Variants in PRKN observed in about 807,000 individuals in gnomAD.
PRKN encodes the protein E3 ubiquitin-protein ligase parkin.
Under a neutral mutation model 59.5 loss-of-function variants are expected in PRKN, and 56 were observed. The observed-to-expected ratio is 0.94, with a 90% CI of 0.76 to 1.18. The LOEUF is 1.18. Ranked by LOEUF, PRKN falls within the 50% of genes most tolerant of loss-of-function variation. The probability of loss-of-function intolerance (pLI) is 0.00; values close to 1 mark genes in which losing one functional copy is unlikely to be tolerated. For synonymous variants in PRKN, 250 were observed against 222.1 expected (o/e 1.13, Z -1.12); for missense variants, 657 against 596.4 (o/e 1.10, Z -1.06).
intron 1 of PRKN, among the ~76,000 whole-genome samples, chr6:162,565,424 G>A (rs1243525915): frequency 6.6e-6 from 1 of 152,108 alleles, no homozygotes; most frequent in Admixed American, 6.6e-5. Flanking sequence ...GGCTCAATGT[G>A]TATAATCCCG....
intron 9 of PRKN, among the ~76,000 whole-genome samples, chr6:161,452,198 A>G (rs201472638): frequency 6.6e-6 from 1 of 150,448 alleles, no homozygotes; most frequent in Non-Finnish European, 1.5e-5. Flanking sequence ...AAGTGATCCC[A>G]CCTCGGCCTC....
At position 161,518,514 on chromosome 6, in the gene PRKN, G is replaced by A. The variant is rs1418217260; in HGVS notation, c.1083+30340C>T. On this transcript the variant is annotated intron_variant, in intron 9 of 11. Coordinates refer to ENST00000366898, the MANE Select transcript of PRKN (RefSeq NM_004562.3). The surrounding 1 kb of genome is among the most constrained non-coding windows in gnomAD (Gnocchi z 5.0). ...GCTGCCCCTGGCTGTGCAATCCCAG[G>A]GCTCTGGGTGAGAGCTGAACCGAGG... Among the ~76,000 whole-genome samples, 1 of 152,140 alleles carries A rather than the reference G, an allele frequency of 6.6e-6. No homozygotes were observed. Among genetic ancestry groups the A allele is most frequent in the Non-Finnish European group, 1.5e-5 (1 of 68,020 alleles).
At chr6:161,721,534 A>G (rs1430975799) in intron 7 of PRKN, among the ~76,000 whole-genome samples, 1 of 152,248 alleles carries the variant, frequency 6.6e-6, no homozygotes, top group Non-Finnish European at 1.5e-5. Flanking sequence ...TTGATAAAAT[A>G]ATAAAAAGTA....
chr6:162,442,474 G>A (rs941732305), intron 2 of PRKN, among the ~76,000 whole-genome samples: 4 of 152,120 alleles, frequency 2.6e-5, no homozygotes, highest in African/African-American at 7.2e-5. Context: ...TTGTATTTGC[G>A]AGTTTCCCCA....
chr6:161,509,619 C>A (rs931442079), intron 9 of PRKN, among the ~76,000 whole-genome samples: 13 of 110,046 alleles, frequency 1.2e-4, no homozygotes, highest in African/African-American at 4.3e-4. Flanking sequence ...GTGGCTTACA[C>A]CTGTAATCTC....
chr6:162,708,868 CA>C (rs1778427606), intron 1 of PRKN, among the ~76,000 whole-genome samples: 3 of 152,126 alleles, frequency 2.0e-5, no homozygotes, highest in African/African-American at 7.2e-5. Context: ...CTGGGCCACA[CA>C]GCAGGAGGTG....
At chr6:162,042,946 A>G (rs557113147) in intron 5 of PRKN, among the ~76,000 whole-genome samples, 33 of 152,212 alleles carry the variant, frequency 2.2e-4, no homozygotes, top group African/African-American at 8.0e-4. Context: ...GTCCATTTGC[A>G]TGCTGCTGAA....
intron 1 of PRKN, among the ~76,000 whole-genome samples, chr6:162,580,762 G>A (rs531261236): frequency 6.6e-6 from 1 of 152,290 alleles, no homozygotes; most frequent in Admixed American, 6.5e-5. Context: ...CACACAAACA[G>A]CAAGGAGCTG....
At chr6:162,719,504 G>A (rs1778851752) in intron 1 of PRKN, among the ~76,000 whole-genome samples, 1 of 151,382 alleles carries the variant, frequency 6.6e-6, no homozygotes, top group African/African-American at 2.4e-5. Flanking sequence ...CCATCCTCTA[G>A]CTGCCCAGAG....
chr6:162,622,350 A>G (rs1782710730), intron 1 of PRKN, among the ~76,000 whole-genome samples: 1 of 146,460 alleles, frequency 6.8e-6, no homozygotes, highest in Non-Finnish European at 1.5e-5. Context: ...CCCCAGGCGA[A>G]TTTTTGCATT....
At chr6:161,777,458 TAAG>T (rs1789972625) in intron 7 of PRKN, among the ~76,000 whole-genome samples, 1 of 151,702 alleles carries the variant, frequency 6.6e-6, no homozygotes. Context: ...GTGTTTAGCT[TAAG>T]AAGTTTGAAA....
intron 4 of PRKN, among the ~76,000 whole-genome samples, chr6:162,122,767 A>G (rs1054387474): frequency 4.0e-5 from 6 of 149,702 alleles, no homozygotes; most frequent in South Asian, 2.1e-4. Context: ...TCTCTGATAT[A>G]TATTTGAATT....
chr6:162,101,577 C>A (rs1779971759), intron 4 of PRKN, among the ~76,000 whole-genome samples: 1 of 151,616 alleles, frequency 6.6e-6, no homozygotes, highest in African/African-American at 2.4e-5. Context: ...GAGGCTGAGG[C>A]AGGAGAATGG....
chr6:161,556,558 T>A (rs374975290), intron 8 of PRKN, among the ~76,000 whole-genome samples: 4 of 152,194 alleles, frequency 2.6e-5, no homozygotes, highest in African/African-American at 9.6e-5. Flanking sequence ...TGAAAGCGCA[T>A]TAATGGAGAT....
chr6:162,638,862 G>A (rs182940830), intron 1 of PRKN, among the ~76,000 whole-genome samples: 213 of 147,886 alleles, frequency 1.4e-3, no homozygotes, highest in African/African-American at 5.0e-3. Context: ...CTCCTGCCTC[G>A]GCCTCCCAAA....
At chr6:162,656,270 T>G (rs1412369750) in intron 1 of PRKN, among the ~76,000 whole-genome samples, 3 of 152,226 alleles carry the variant, frequency 2.0e-5, no homozygotes, top group African/African-American at 7.2e-5. Context: ...TCAGTACTTT[T>G]AAGTCAAATT....
At chr6:161,596,729 T>C (rs1189912629) in intron 7 of PRKN, among the ~76,000 whole-genome samples, 3 of 152,230 alleles carry the variant, frequency 2.0e-5, no homozygotes, top group Admixed American at 6.5e-5. Context: ...TTTCTGATCA[T>C]TTAAGAGCTA....
At chr6:162,612,848 A>T (rs1168964643) in intron 1 of PRKN, among the ~76,000 whole-genome samples, 3 of 152,198 alleles carry the variant, frequency 2.0e-5, no homozygotes, top group Non-Finnish European at 1.5e-5. Flanking sequence ...TGGCCCACAG[A>T]GGGCACCTTG....
intron 7 of PRKN, among the ~76,000 whole-genome samples, chr6:161,664,819 T>C (rs1393251906): frequency 1.3e-5 from 2 of 150,858 alleles, no homozygotes; most frequent in Non-Finnish European, 3.0e-5. Context: ...GACAGAGTCT[T>C]GCTCTGTCAC....
Sources: allele counts gnomAD v4.1 joint callset (sites outside exome capture counted in the v4.1 genomes callset), GRCh38; gene constraint gnomAD v4.1.1; non-coding constraint Gnocchi (gnomAD v3.1); transcripts MANE v1.5; gene names NCBI Gene and HGNC (gene_info 2026-07-23, HGNC 2026-07-21).